The following SEPTIN14 variants were observed in gnomAD, a reference collection of about 807,000 sequenced individuals.
The protein encoded by SEPTIN14 is septin 14, also known as septin-14.
A neutral mutation model predicts 53.6 loss-of-function variants in SEPTIN14; 40 were observed. The observed-to-expected ratio is 0.75, with a 90% CI of 0.58 to 0.97. The LOEUF (loss-of-function observed/expected upper bound fraction) is 0.97, where lower values mean the gene tolerates loss of function less well. Ranked by LOEUF, SEPTIN14 falls within the 50% of genes least tolerant of loss-of-function variation. The probability of loss-of-function intolerance (pLI) is 0.00; values close to 1 mark genes in which losing one functional copy is unlikely to be tolerated. For missense variants in SEPTIN14, 471 were observed against 508.2 expected (o/e 0.93, Z 0.70); for synonymous variants, 138 against 166.8 (o/e 0.83, Z 1.33).
intron 7 of SEPTIN14, among the ~76,000 whole-genome samples, chr7:55,814,366 A>G (rs1217431678): frequency 1.3e-5 from 2 of 152,208 alleles, no homozygotes; most frequent in Non-Finnish European, 2.9e-5. Flanking sequence ...ATGAGGCACT[A>G]ATGACAAATC....
rs754149718 is a variant in SEPTIN14 at position 55,805,440 on chromosome 7, C to T, written c.987-50G>A. 1.8e-5 allele frequency: 26 copies of T among 1,411,762 alleles called. No homozygotes were observed. The African/African-American group carries it at 3.0e-4, about 16-fold the overall frequency. The allele number at this position is 1,411,762 out of a possible 1,614,324, so 87.5% of individuals were successfully genotyped here. A position where few individuals can be genotyped will look rare whatever the true frequency, so the allele number is the denominator to read the frequency against. Reference sequence around the variant, plus strand: ...TTATATTAAAATGAGGTAGGAGGATCGCTTGAACCCAGGAGGCGGAGTTTG... The same window carrying T: ...TTATATTAAAATGAGGTAGGAGGATTGCTTGAACCCAGGAGGCGGAGTTTG... On this transcript the variant is annotated intron_variant, in intron 8 of 9. Transcript: ENST00000388975.
At chr7:55,846,064 A>AAAATATATATATATATAT (rs1562718590) in intron 3 of SEPTIN14, among the ~76,000 whole-genome samples, 2 of 7,384 alleles carry the variant, frequency 2.7e-4, no homozygotes, top group Admixed American at 1.9e-3. Flanking sequence ...AAAAAAAAAA[A>AAAATATATATATATATAT]GTATATATAT....
intron 7 of SEPTIN14, among the ~76,000 whole-genome samples, chr7:55,807,849 C>T (rs1461066605): frequency 6.6e-6 from 1 of 151,688 alleles, no homozygotes; most frequent in African/African-American, 2.4e-5. Context: ...AGAGAAGGCA[C>T]GGAAAGCTAT....
intron 7 of SEPTIN14, among the ~76,000 whole-genome samples, chr7:55,814,784 A>G (rs1788764129): frequency 6.6e-6 from 1 of 152,240 alleles, no homozygotes; most frequent in African/African-American, 2.4e-5. Flanking sequence ...GACATTCTTC[A>G]TAGAAAAAGA....
At chr7:55,857,490 GAGGGA>G (rs1214849802) in intron 2 of SEPTIN14, among the ~76,000 whole-genome samples, 2,964 of 71,384 alleles carry the variant, frequency 0.042, 69 homozygotes, top group African/African-American at 0.068. Context: ...GAGGGGAGGG[GAGGGA>G]AGGGAAGGGA....
chr7:55,797,114 C>A lies in SEPTIN14; in HGVS notation c.1120-1022G>T, dbSNP rs147086530. On this transcript the variant is annotated intron_variant, in intron 9 of 9. Coordinates refer to ENST00000388975, the MANE Select transcript of SEPTIN14 (RefSeq NM_207366.3). ...CTCTAGCCTGGGCAACAGAGAGAGA[C>A]TCCATCTCAAAAAAAGAAAAAAAAA... Among the ~76,000 whole-genome samples, 98 of 151,522 alleles carry A rather than the reference C, an allele frequency of 6.5e-4. No homozygotes were observed. In the East Asian group the frequency reaches 0.018, roughly 28 times the overall value.
At position 55,830,343 on chromosome 7, in the gene SEPTIN14, ATATATATT is replaced by A. The variant is rs1251942574; in HGVS notation, c.720+4074_720+4081del. The stretch of plus-strand genomic sequence containing the variant: ...ACTGTATATATATATATATATATAT[ATATATATT>A]TTTTTTTTTTTTTGAGACGGAGTCT... On this transcript the variant is annotated intron_variant, in intron 6 of 9. Transcript: ENST00000388975. 1.3e-3 allele frequency among the ~76,000 whole-genome samples: 35 copies of A among 26,170 alleles called. No individual in the cohort carries two copies. In the South Asian group the frequency reaches 0.034, roughly 26 times the overall value. 17.2% of individuals were successfully genotyped at this position (26,170 alleles called of 152,430 possible). A position where few individuals can be genotyped will look rare whatever the true frequency, so the allele number is the denominator to read the frequency against.
chr7:55,855,548 T>TTTTTC (rs992619310), intron 2 of SEPTIN14, among the ~76,000 whole-genome samples: 230 of 151,944 alleles, frequency 1.5e-3, no homozygotes, highest in African/African-American at 4.8e-3. Flanking sequence ...TGTAGGTGCT[T>TTTTTC]TTTTCTTTTC....
intron 7 of SEPTIN14, among the ~76,000 whole-genome samples, chr7:55,810,434 A>G (rs1397841069): frequency 6.7e-6 from 1 of 150,310 alleles, no homozygotes; most frequent in Non-Finnish European, 1.5e-5. Context: ...TTATGCTATT[A>G]AATTGTTTCT....
intron 6 of SEPTIN14, among the ~76,000 whole-genome samples, chr7:55,829,933 CTT>C (rs1789066698): frequency 6.6e-6 from 1 of 151,422 alleles, no homozygotes. Flanking sequence ...AATCCCAGCA[CTT>C]TGGGAGGCCG....
intron 7 of SEPTIN14, among the ~76,000 whole-genome samples, chr7:55,814,540 T>C (rs924157988): frequency 5.9e-5 from 9 of 152,034 alleles, no homozygotes; most frequent in African/African-American, 2.2e-4. Context: ...AAATAAAAAC[T>C]AATCCAATTT....
intron 7 of SEPTIN14, among the ~76,000 whole-genome samples, chr7:55,818,747 A>T (rs1373541620): frequency 6.6e-6 from 1 of 152,202 alleles, no homozygotes; most frequent in Non-Finnish European, 1.5e-5. Context: ...TAATGAGTTT[A>T]TGTAACATGT....
At chr7:55,805,467 A>C in intron 8 of SEPTIN14, 77 bp from the exon 9 acceptor site, 1 of 1,059,050 alleles carries the variant, frequency 9.4e-7, no homozygotes, top group Non-Finnish European at 1.4e-6. Context: ...CGGAGTTTGC[A>C]GAGAATCAAA....
In SEPTIN14 at chr7:55,834,594, G is replaced by T. The variant is rs1271557987; in HGVS notation, c.559-8C>A. 3.8e-6 allele frequency: 6 copies of T among 1,575,514 alleles called. No homozygotes were observed. The highest frequency in any genetic ancestry group is 5.2e-6 in the Non-Finnish European group (6 of 1,163,286). Reference sequence around the variant, plus strand: ...CAGTGGTATAATATTCACCTATGAAGAAAGAAGACAAACAAAATCTCATCA... The same window carrying T: ...CAGTGGTATAATATTCACCTATGAATAAAGAAGACAAACAAAATCTCATCA... On this transcript the variant is annotated splice_region_variant and splice_polypyrimidine_tract_variant and intron_variant, in intron 5 of 9. Coordinates refer to ENST00000388975, the MANE Select transcript of SEPTIN14 (RefSeq NM_207366.3).
chr7:55,800,507 C>T (rs1375631209), intron 9 of SEPTIN14, among the ~76,000 whole-genome samples: 1 of 151,928 alleles, frequency 6.6e-6, no homozygotes, highest in Non-Finnish European at 1.5e-5. Context: ...GCCTGTAATC[C>T]CAACCACTTG....
chr7:55,807,170 A>G lies in SEPTIN14; in HGVS notation c.906T>C (p.Thr302=). 1 of 1,611,066 alleles carries G rather than the reference A, an allele frequency of 6.2e-7. No homozygotes were observed. Among genetic ancestry groups the G allele is most frequent in the Non-Finnish European group, 8.5e-7 (1 of 1,178,784 alleles). The change falls in exon 8 of 10, where the codon ACT becomes ACC. Residue 302 remains threonine (T), a synonymous_variant. Transcript: ENST00000388975. ...GGTACCTATAACATTCATAGTGCTG[A>G]GTGTGGGTTTTTTCTTTTAGATTTT... The part of the protein sequence containing the change: ...NMENLKEKTH[T]QHYECYRYQK...
At chr7:55,816,675 C>T (rs552245206) in intron 7 of SEPTIN14, among the ~76,000 whole-genome samples, 86 of 151,650 alleles carry the variant, frequency 5.7e-4, no homozygotes, top group Middle Eastern at 3.5e-3. Flanking sequence ...GGCTTGGTGG[C>T]GCATGCCTGT....
At chr7:55,830,712 TA>T (rs911021585) in intron 6 of SEPTIN14, among the ~76,000 whole-genome samples, 76 of 150,414 alleles carry the variant, frequency 5.1e-4, no homozygotes, top group African/African-American at 1.5e-3. Flanking sequence ...TATATTCCTT[TA>T]AAAAAAAAGA....
At chr7:55,834,681 C>G in intron 5 of SEPTIN14, 95 bp from the exon 6 acceptor site, 1 of 1,026,696 alleles carries the variant, frequency 9.7e-7, no homozygotes, top group Non-Finnish European at 1.4e-6. Context: ...CTCGCTTTGT[C>G]GCCCAGGCTG....
Sources: gnomAD v4.1 joint callset for allele counts (sites outside exome capture counted in the v4.1 genomes callset) on GRCh38, gnomAD v4.1.1 for gene constraint, MANE v1.5 for transcripts, NCBI Gene and HGNC (gene_info 2026-07-23, HGNC 2026-07-21) for gene names.